AKNA: variants seen among roughly 807,000 people sequenced by gnomAD.
AKNA encodes the protein microtubule organization protein AKNA.
In AKNA, 67 loss-of-function variants were observed where a neutral mutation model predicts 138.8. The observed-to-expected ratio is 0.48, with a 90% CI of 0.40 to 0.59. The LOEUF (loss-of-function observed/expected upper bound fraction) is 0.59. Among genes scored for constraint, AKNA ranks in the 20% least tolerant of loss-of-function variants. The pLI, the probability that AKNA is intolerant of heterozygous loss-of-function variation, is 0.00. For synonymous variants in AKNA, 737 were observed against 754.4 expected, an observed-to-expected ratio of 0.98 and a Z score of 0.38; for missense variants, 1,813 against 1,880.4, an observed-to-expected ratio of 0.96 and a Z score of 0.66.
At chr9:114,397,858 C>G (rs1049176884), upstream of AKNA, among the ~76,000 whole-genome samples, 3 of 152,218 alleles carry the variant, frequency 2.0e-5, no homozygotes, top group Non-Finnish European at 2.9e-5. Context: ...TACCTTCCCC[C>G]CCGCGACAAA....
At chr9:114,346,133 C>T (rs954820613) in intron 17 of AKNA, 124 bp from the exon 18 acceptor site, 10 of 964,928 alleles carry the variant, frequency 1.0e-5, no homozygotes, top group African/African-American at 8.1e-5. Flanking sequence ...CAGTCTCCCC[C>T]TTAGGAGTAA....
At position 114,355,325 on chromosome 9, in the gene AKNA, G is replaced by A. The variant is rs190678580; in HGVS notation, c.3058+600C>T. On this transcript the variant is annotated intron_variant, in intron 14 of 21. Transcript: ENST00000374088. ...CAAGTAGCTAGGATTACAGGCACCT[G>A]CCACCATGCCTGGCTAATTTTTTGT... Among the ~76,000 whole-genome samples the A allele has an allele frequency of 3.5e-3, 525 of 152,150 alleles. 8 individuals carry two copies. Among genetic ancestry groups the A allele is most frequent in the African/African-American group, 0.012 (495 of 41,502 alleles).
chr9:114,347,412 G>A (rs1049174160), intron 16 of AKNA, among the ~76,000 whole-genome samples: 3 of 152,056 alleles, frequency 2.0e-5, no homozygotes, highest in African/African-American at 4.8e-5. Context: ...TAGAGACAGG[G>A]TTTCACCATG....
At chr9:114,339,103 C>A (rs193102914) in intron 21 of AKNA, among the ~76,000 whole-genome samples, 92 of 152,270 alleles carry the variant, frequency 6.0e-4, no homozygotes, top group African/African-American at 2.1e-3. Context: ...AATCATAAAT[C>A]GAACCATTGT....
Position 114,354,841 on chromosome 9 carries a change from T to G in AKNA, c.3058+1084A>C, listed in dbSNP as rs183664532. ...TCATTAGTTATCAAGTATTAGGTAC[T>G]GTACATAATCGTAGGTGCTATACGG... On this transcript the variant is annotated intron_variant, in intron 14 of 21. Coordinates refer to ENST00000374088, the MANE Select transcript of AKNA (RefSeq NM_001317950.2). Among the ~76,000 whole-genome samples the G allele has an allele frequency of 2.3e-3, 355 of 151,996 alleles. 1 individual carries two copies. Among genetic ancestry groups the G allele is most frequent in the Non-Finnish European group, 4.1e-3 (280 of 67,998 alleles).
chr9:114,388,073 CG>C (rs1834177399), upstream of AKNA: 1 of 267,986 alleles, frequency 3.7e-6, no homozygotes, highest in Non-Finnish European at 8.1e-6. Flanking sequence ...CGGCAGGAAG[CG>C]CCCAGCCTGA....
intron 1 of AKNA, among the ~76,000 whole-genome samples, chr9:114,392,994 TCAAA>T (rs934308682): frequency 2.6e-5 from 4 of 151,900 alleles, no homozygotes; most frequent in African/African-American, 4.8e-5. Context: ...TTTCAAAGAG[TCAAA>T]CAAACCGTGC....
intron 21 of AKNA, among the ~76,000 whole-genome samples, chr9:114,339,609 A>C (rs1464833905): frequency 2.0e-5 from 3 of 152,240 alleles, no homozygotes; most frequent in African/African-American, 7.2e-5. Flanking sequence ...CCTCAGGAGA[A>C]GTAAAGACTC....
intron 20 of AKNA, 27 bp from the exon 21 acceptor site, chr9:114,341,752 G>T: frequency 6.5e-7 from 1 of 1,535,344 alleles, no homozygotes; most frequent in South Asian, 1.3e-5. Context: ...AGCACAGAGA[G>T]ACAGAGTCTG....
At chr9:114,348,600 C>T (rs1478811952) in intron 15 of AKNA, among the ~76,000 whole-genome samples, 1 of 152,234 alleles carries the variant, frequency 6.6e-6, no homozygotes, top group African/African-American at 2.4e-5. Flanking sequence ...ATAGTAAATC[C>T]TGGTGAAACC....
downstream of AKNA, among the ~76,000 whole-genome samples, chr9:114,331,189 GT>G (rs1829844421): frequency 6.6e-6 from 1 of 152,108 alleles, no homozygotes. Flanking sequence ...GTAGAAGCCT[GT>G]ATGTTGGAGA....
chr9:114,347,696 C>T, intron 16 of AKNA, 28 bp downstream of exon 16: 4 of 1,500,704 alleles, frequency 2.7e-6, no homozygotes, highest in Non-Finnish European at 3.6e-6. Context: ...GCCACCAGGA[C>T]AGAGGTGGGA....
intron 6 of AKNA, among the ~76,000 whole-genome samples, chr9:114,365,423 G>A (rs894350215): frequency 6.6e-6 from 1 of 152,276 alleles, no homozygotes; most frequent in Admixed American, 6.5e-5. Flanking sequence ...TATGCCCTCT[G>A]TACTGTGCAA....
chr9:114,357,512 G>A (rs1283142506), intron 12 of AKNA, among the ~76,000 whole-genome samples: 3 of 113,980 alleles, frequency 2.6e-5, no homozygotes, highest in African/African-American at 1.1e-4. Context: ...TAGGACTACA[G>A]AAGTGTGTGT....
rs764003195 is a variant in AKNA at position 114,377,101 on chromosome 9, G to A, written c.706C>T (p.Pro236Ser). 8 of 1,614,158 alleles carry A rather than the reference G, an allele frequency of 5.0e-6. No individual in the cohort carries two copies. The South Asian group carries it at 5.5e-5, about 11-fold the overall frequency. The change falls in exon 3 of 22, where the codon CCA becomes TCA. Residue 236 changes from proline to serine, a missense_variant. Coordinates refer to ENST00000374088, the MANE Select transcript of AKNA (RefSeq NM_001317950.2). ...AGGAGGTGGTGGCTGGGGCCCTCTG[G>A]CAAGGTTTCTGCCAGGGCAGTGGGC... ...PQPTALAETL[P>S]EGPSHHLLSP...
At position 114,358,033 on chromosome 9, in the gene AKNA, C is replaced by T. The variant is rs1831631836; in HGVS notation, c.2627G>A (p.Gly876Asp). The T allele has an allele frequency of 6.2e-7, 1 of 1,610,518 alleles. No homozygotes were observed. The highest frequency in any genetic ancestry group is 1.7e-5 in the Admixed American group (1 of 59,726). Reference sequence around the variant, plus strand: ...TTGGTGGGATGCTGCGGACTTGGTGCCTGGAGGGTGGGGTGGCACGCCAGG... The same window carrying T: ...TTGGTGGGATGCTGCGGACTTGGTGTCTGGAGGGTGGGGTGGCACGCCAGG... Reference protein sequence around the residue: ...PGPGVPPHPPGTKSAASHQSS... With the variant: ...PGPGVPPHPPDTKSAASHQSS... Residue 876 changes from glycine (G) to aspartate (D), a missense_variant, in exon 12 of 22, where the codon GGC becomes GAC. Coordinates refer to ENST00000374088, the MANE Select transcript of AKNA (RefSeq NM_001317950.2).
At chr9:114,350,711 T>A (rs1036474327) in intron 15 of AKNA, 148 bp downstream of exon 15, 15 of 831,398 alleles carry the variant, frequency 1.8e-5, no homozygotes, top group Non-Finnish European at 2.5e-5. Flanking sequence ...CGCTGGGAAC[T>A]GGGAGGCAGG....
intron 6 of AKNA, 42 bp downstream of exon 6, chr9:114,367,501 G>T: frequency 6.2e-7 from 1 of 1,605,090 alleles, no homozygotes; most frequent in Non-Finnish European, 8.5e-7. Flanking sequence ...TGTTCTCCAG[G>T]TGAGTTAAGT....
chr9:114,372,229 G>A (rs143311914), intron 4 of AKNA, among the ~76,000 whole-genome samples: 3 of 152,286 alleles, frequency 2.0e-5, no homozygotes, highest in Non-Finnish European at 4.4e-5. Flanking sequence ...TCCAGAAAGC[G>A]GGAGTGAGTG....
Sources: allele counts gnomAD v4.1 joint callset (sites outside exome capture counted in the v4.1 genomes callset), GRCh38; gene constraint gnomAD v4.1.1; transcripts MANE v1.5; gene names NCBI Gene and HGNC (gene_info 2026-07-23, HGNC 2026-07-21).